ENAM: variants seen among roughly 807,000 people sequenced by gnomAD.
ENAM encodes the protein amelogenesis imperfecta 2, hypocalcification (autosomal dominant).
In ENAM, 21 loss-of-function variants were observed where a neutral mutation model predicts 33.6. The ratio of observed to expected loss-of-function variants is 0.63; its 90% CI spans 0.44 to 0.90. The LOEUF (loss-of-function observed/expected upper bound fraction) is 0.90, where lower values mean the gene tolerates loss of function less well. Ranked by LOEUF, ENAM falls within the 40% of genes least tolerant of loss-of-function variation. The pLI, the probability that ENAM is intolerant of heterozygous loss-of-function variation, is 0.00. For missense variants in ENAM, 1,388 were observed against 1,366.9 expected (o/e 1.02, Z -0.24); for synonymous variants, 473 against 468.4 (o/e 1.01, Z -0.13).
intron 5 of ENAM, among the ~76,000 whole-genome samples, chr4:70,633,227 C>T (rs1218269189): frequency 6.6e-6 from 1 of 152,090 alleles, no homozygotes; most frequent in African/African-American, 2.4e-5. Flanking sequence ...AATAACACTA[C>T]ACATCACTTT....
At position 70,643,444 on chromosome 4, in the gene ENAM, A is replaced by T; in HGVS notation, c.2018A>T (p.Glu673Val). Residue 673 changes from glutamate (E) to valine (V), a missense_variant, in exon 9 of 9, where the codon GAA becomes GTA. Physicochemically the swap from Glu to Val is moderately radical, Grantham distance 121 (BLOSUM62 -2). Coordinates refer to ENST00000396073, the MANE Select transcript of ENAM (RefSeq NM_031889.3). ...TTTCCTGGACAAAATAGATGGGGTG[A>T]AGAGTTGAGCTTCAAAGGAGGCCCA... The part of the protein sequence containing the change: ...EVFPGQNRWG[E>V]ELSFKGGPTV... The T allele has an allele frequency of 6.2e-7, 1 of 1,614,194 alleles. No individual in the cohort carries two copies. Among genetic ancestry groups the T allele is most frequent in the East Asian group, 2.2e-5 (1 of 44,890 alleles).
Position 70,634,566 on chromosome 4 carries a change from C to G in ENAM, c.469C>G (p.Gln157Glu). ...PQPEEEAQPP[Q>E]AFPPFGNGLF... Reference sequence around the variant, plus strand: ...GCCCGAAGAGGAAGCTCAACCCCCTCAGGTGAGACTTGCACAGAAAAATTC... The same window carrying G: ...GCCCGAAGAGGAAGCTCAACCCCCTGAGGTGAGACTTGCACAGAAAAATTC... The change falls in exon 6 of 9, where the codon CAG becomes GAG. Residue 157 changes from glutamine (Q) to glutamate (E), a missense_variant and splice_region_variant. Coordinates refer to ENST00000396073, the MANE Select transcript of ENAM (RefSeq NM_031889.3). 1.9e-6 allele frequency: 3 copies of G among 1,614,068 alleles called. No individual in the cohort carries two copies. The South Asian group carries it at 3.3e-5, about 18-fold the overall frequency.
rs774375347 is a variant in ENAM, at chr4:70,634,476, C to A, written c.379C>A (p.Gln127Lys). ...DQTQETQKPN[Q>K]TQSKKPPQKR... The stretch of plus-strand genomic sequence containing the variant: ...GACCCAAGAAACCCAGAAACCCAAC[C>A]AGACTCAGTCAAAAAAGCCACCACA... Residue 127 changes from glutamine to lysine, a missense_variant, in exon 6 of 9, where the codon CAG becomes AAG. Transcript: ENST00000396073. 6.2e-7 allele frequency: 1 copy of A among 1,613,970 alleles called. No individual in the cohort carries two copies. The highest frequency in any genetic ancestry group is 8.5e-7 in the Non-Finnish European group (1 of 1,180,012).
At chr4:70,636,601 T>A (rs1738457530) in intron 7 of ENAM, among the ~76,000 whole-genome samples, 1 of 152,108 alleles carries the variant, frequency 6.6e-6, no homozygotes, top group East Asian at 1.9e-4. Context: ...AAACCCCGTC[T>A]CTACTAAAAA....
chr4:70,632,702 T>C lies in ENAM; in HGVS notation c.210+10T>C. The C allele has an allele frequency of 1.3e-6, 2 of 1,580,064 alleles. No homozygotes were observed. The highest frequency in any genetic ancestry group is 2.2e-5 in the South Asian group (2 of 90,344). On this transcript the variant is annotated intron_variant, in intron 5 of 8. Transcript: ENST00000396073. ...TATGAACGGCCCACATGTAAGTTTTTCTTTATGTTATTTCTGATGATTTCT... is the reference window on the plus strand; with the variant it reads ...TATGAACGGCCCACATGTAAGTTTTCCTTTATGTTATTTCTGATGATTTCT...
rs765630060 is a variant in ENAM at position 70,644,901 on chromosome 4, T to C, written c.*46T>C. 1 of 1,545,730 alleles carries C rather than the reference T, an allele frequency of 6.5e-7. No individual in the cohort carries two copies. The highest frequency in any genetic ancestry group is 8.9e-7 in the Non-Finnish European group (1 of 1,118,640). ...CTTGGGGAAAGAGAAATCACTGACA[T>C]TCTATACCAATGGTTCCCAAAATTT... On this transcript the variant is annotated 3_prime_UTR_variant, in exon 9 of 9. Coordinates refer to ENST00000396073, the MANE Select transcript of ENAM (RefSeq NM_031889.3).
At position 70,646,335 on chromosome 4, in the gene ENAM, A is replaced by G. The variant is rs1738762164; in HGVS notation, c.*1480A>G. The stretch of plus-strand genomic sequence containing the variant: ...AGAATTACCTAAAAACATACTTTAT[A>G]ACTTTAAGAGATTTCTTAGGATACA... On this transcript the variant is annotated 3_prime_UTR_variant, in exon 9 of 9. Coordinates refer to ENST00000396073, the MANE Select transcript of ENAM (RefSeq NM_031889.3). 1 of 152,174 alleles carries G rather than the reference A, an allele frequency of 6.6e-6. No individual in the cohort carries two copies. Among genetic ancestry groups the G allele is most frequent in the South Asian group, 2.1e-4 (1 of 4,826 alleles). The allele number at this position is 152,174 out of a possible 1,614,324, so 9.4% of individuals were successfully genotyped here. A position where few individuals can be genotyped will look rare whatever the true frequency, so the allele number is the denominator to read the frequency against.
intron 2 of ENAM, among the ~76,000 whole-genome samples, chr4:70,630,331 T>G (rs2109818562): frequency 6.6e-6 from 1 of 152,298 alleles, no homozygotes; most frequent in East Asian, 1.9e-4. Context: ...TAGATAGATT[T>G]TATGTCCAGA....
Position 70,644,898 on chromosome 4 carries a change from A to C in ENAM, c.*43A>C. ...ATTCTTGGGGAAAGAGAAATCACTG[A>C]CATTCTATACCAATGGTTCCCAAAA... is the stretch of plus-strand genomic sequence containing the variant. On this transcript the variant is annotated 3_prime_UTR_variant, in exon 9 of 9. Transcript: ENST00000396073. The C allele has an allele frequency of 6.5e-7, 1 of 1,548,010 alleles. No homozygotes were observed. Among genetic ancestry groups the C allele is most frequent in the Non-Finnish European group, 8.9e-7 (1 of 1,120,542 alleles).
intron 7 of ENAM, 66 bp from the exon 8 acceptor site, chr4:70,637,724 C>T (rs1045594038): frequency 8.1e-7 from 1 of 1,234,560 alleles, no homozygotes; most frequent in African/African-American, 1.5e-5. Flanking sequence ...CACCCTGAGT[C>T]TTACAAACAA....
rs201248452 is a variant in ENAM at position 70,644,481 on chromosome 4, C to T, written c.3055C>T (p.Leu1019Phe). ...ERTVDLTPEQ[L>F]VIGTPDEGSN... is the part of the protein sequence containing the mutation. Reference sequence around the variant, plus strand: ...AACTGTTGACCTTACTCCTGAGCAGCTTGTTATTGGTACACCTGATGAAGG... The same window carrying T: ...AACTGTTGACCTTACTCCTGAGCAGTTTGTTATTGGTACACCTGATGAAGG... The change falls in exon 9 of 9, where the codon CTT becomes TTT. Residue 1019 changes from leucine to phenylalanine, a missense_variant. By Grantham distance (22) the Leu-to-Phe change is conservative. Transcript: ENST00000396073. 1.9e-6 allele frequency: 3 copies of T among 1,614,150 alleles called. No homozygotes were observed. Among genetic ancestry groups the T allele is most frequent in the Non-Finnish European group, 2.5e-6 (3 of 1,180,006 alleles).
chr4:70,634,444 C>T lies in ENAM; in HGVS notation c.347C>T (p.Thr116Ile). Residue 116 changes from threonine (T) to isoleucine (I), a missense_variant, in exon 6 of 9, where the codon ACT becomes ATT. Physicochemically the swap from Thr to Ile is moderately conservative, Grantham distance 89 (BLOSUM62 -1). Transcript: ENST00000396073. ...KSSAPKRHNK[T>I]DQTQETQKPN... Reference sequence around the variant, plus strand: ...TCAGCACCCAAACGTCATAACAAGACTGATCAGACCCAAGAAACCCAGAAA... The same window carrying T: ...TCAGCACCCAAACGTCATAACAAGATTGATCAGACCCAAGAAACCCAGAAA... 6.2e-7 allele frequency: 1 copy of T among 1,614,148 alleles called. No homozygotes were observed.
chr4:70,637,715 A>ACC, intron 7 of ENAM, 75 bp from the exon 8 acceptor site: 1 of 1,103,606 alleles, frequency 9.1e-7, no homozygotes. Context: ...ATTTTTAGAC[A>ACC]CCCTGAGTCT....
At chr4:70,636,030 A>C (rs1560401625) in intron 7 of ENAM, 136 bp downstream of exon 7, 1 of 493,072 alleles carries the variant, frequency 2.0e-6, no homozygotes, top group Non-Finnish European at 3.6e-6. Flanking sequence ...AAACCAGTGC[A>C]TCAGTAATCA....
chr4:70,646,189 A>AT lies in ENAM; in HGVS notation c.*1338dup. The AT allele has an allele frequency of 6.6e-6, 1 of 152,130 alleles. No individual in the cohort carries two copies. The highest frequency in any genetic ancestry group is 1.9e-4 in the East Asian group (1 of 5,182). 9.4% of individuals were successfully genotyped at this position (152,130 alleles called of 1,614,324 possible). On this transcript the variant is annotated 3_prime_UTR_variant, in exon 9 of 9. Coordinates refer to ENST00000396073, the MANE Select transcript of ENAM (RefSeq NM_031889.3). Reference sequence around the variant, plus strand: ...GTATCTTGAATAAATTGTGTAAATTATTTTGAAAAGTGGATATTTCTATAT... The same window carrying AT: ...GTATCTTGAATAAATTGTGTAAATTATTTTTGAAAAGTGGATATTTCTATAT...
rs1310134531 is a variant in ENAM, at chr4:70,629,439, A to T, written c.-60-2A>T. On this transcript the variant is annotated splice_acceptor_variant, in intron 1 of 8. Transcript: ENST00000396073. LOFTEE classifies it low-confidence loss of function (5UTR_SPLICE). ...TTTATTTGTTCCATTTCTATATTTT[A>T]GTTTCTTCTCAGGTTAAAGCTGTAT... 2 of 1,105,358 alleles carry T rather than the reference A, an allele frequency of 1.8e-6. No individual in the cohort carries two copies. The highest frequency in any genetic ancestry group is 1.5e-5 in the African/African-American group (1 of 65,058). 68.5% of individuals were successfully genotyped at this position (1,105,358 alleles called of 1,614,324 possible). A position where few individuals can be genotyped will look rare whatever the true frequency, so the allele number is the denominator to read the frequency against.
At chr4:70,637,987 T>A (rs1577970555) in intron 8 of ENAM, 144 bp downstream of exon 8, 1 of 688,164 alleles carries the variant, frequency 1.5e-6, no homozygotes, top group Non-Finnish European at 2.5e-6. Context: ...ATAAAAAAGT[T>A]AAACAAATCA....
rs181699002 is a variant in ENAM at position 70,644,093 on chromosome 4, A to G, written c.2667A>G (p.Leu889=). Residue 889 remains leucine (L), a synonymous_variant, in exon 9 of 9, where the codon CTA becomes CTG. Transcript: ENST00000396073. ...STGPKDNPLA[L]QDYTPSYGLA... ...GGCCCAAGGACAATCCACTAGCTCTACAAGACTACACTCCATCCTATGGTC... is the reference window on the plus strand; with the variant it reads ...GGCCCAAGGACAATCCACTAGCTCTGCAAGACTACACTCCATCCTATGGTC... 5 of 1,614,082 alleles carry G rather than the reference A, an allele frequency of 3.1e-6. No individual in the cohort carries two copies. Among genetic ancestry groups the G allele is most frequent in the East Asian group, 2.2e-5 (1 of 44,874 alleles).
intron 2 of ENAM, among the ~76,000 whole-genome samples, chr4:70,629,884 A>G (rs1738267116): frequency 6.6e-6 from 1 of 152,210 alleles, no homozygotes; most frequent in Non-Finnish European, 1.5e-5. Flanking sequence ...GGCTACATAT[A>G]TTATCAAGAA....
Sources: gnomAD v4.1 joint callset for allele counts (sites outside exome capture counted in the v4.1 genomes callset) on GRCh38, gnomAD v4.1.1 for gene constraint, MANE v1.5 for transcripts, NCBI Gene and HGNC (gene_info 2026-07-23, HGNC 2026-07-21) for gene names.